The following ARMC2 variants were observed in gnomAD, a reference collection of about 807,000 sequenced individuals.
The protein encoded by ARMC2 is armadillo repeat-containing protein 2.
A neutral mutation model predicts 90.3 loss-of-function variants in ARMC2; 67 were observed. The observed-to-expected ratio is 0.74, with a 90% CI of 0.61 to 0.91. The LOEUF is 0.91. ARMC2 is among the 40% of genes least tolerant of loss of function. The pLI, the probability that ARMC2 is intolerant of heterozygous loss-of-function variation, is 0.00. For missense variants in ARMC2, 920 were observed against 1,030.9 expected (o/e 0.89, Z 1.47); for synonymous variants, 393 against 393.0 (o/e 1.00, Z 0.00).
chr6:108,996,906 A>G, the ARMC2 span, among the ~76,000 whole-genome samples: 1 of 152,212 alleles, frequency 6.6e-6, no homozygotes, highest in Non-Finnish European at 1.5e-5. Flanking sequence ...AAGAAATTTA[A>G]ATGTATATTA....
intron 8 of ARMC2, among the ~76,000 whole-genome samples, chr6:108,910,140 T>C (rs1292136319): frequency 1.3e-5 from 2 of 152,146 alleles, no homozygotes; most frequent in Non-Finnish European, 2.9e-5. Context: ...CCTCATATAC[T>C]CCTTTAAAAG....
intron 12 of ARMC2, among the ~76,000 whole-genome samples, chr6:108,947,295 G>A (rs1776870650): frequency 6.6e-6 from 1 of 152,146 alleles, no homozygotes; most frequent in Admixed American, 6.5e-5. Context: ...GAGTTGGGCT[G>A]AAGGTGGTTT....
the ARMC2 span, among the ~76,000 whole-genome samples, chr6:108,995,233 C>T: frequency 4.6e-5 from 7 of 152,130 alleles, no homozygotes; most frequent in East Asian, 1.9e-4. Context: ...AGCAGAACTG[C>T]GTAAGATAAC....
At chr6:108,980,829 G>A in the ARMC2 span, among the ~76,000 whole-genome samples, 19 of 152,268 alleles carry the variant, frequency 1.2e-4, no homozygotes, top group Middle Eastern at 3.4e-3. Flanking sequence ...GGTGGAGGTT[G>A]CAGTAAGCCG....
At chr6:108,974,570 T>G (rs1282733450), downstream of ARMC2, 2 of 152,164 alleles carry the variant, frequency 1.3e-5, no homozygotes, top group African/African-American at 4.8e-5. Flanking sequence ...ATTCAGTACT[T>G]TAGAAGGCGG....
intron 3 of ARMC2, among the ~76,000 whole-genome samples, chr6:108,862,486 G>A (rs1775374640): frequency 1.3e-5 from 2 of 152,086 alleles, no homozygotes; most frequent in Non-Finnish European, 2.9e-5. Flanking sequence ...AGGGTCTTAA[G>A]TACATTTCAT....
At chr6:109,021,371 T>C in the ARMC2 span, among the ~76,000 whole-genome samples, 1 of 152,168 alleles carries the variant, frequency 6.6e-6, no homozygotes, top group Non-Finnish European at 1.5e-5. Flanking sequence ...CCCCCAATAT[T>C]TCATTGTTTT....
At chr6:108,870,553 AAG>A (rs1209813166) in intron 4 of ARMC2, among the ~76,000 whole-genome samples, 4 of 150,890 alleles carry the variant, frequency 2.7e-5, no homozygotes, top group African/African-American at 9.8e-5. Context: ...GGAAGGAAGG[AAG>A]AGAGGGAAGG....
the ARMC2 span, among the ~76,000 whole-genome samples, chr6:108,996,585 G>A: frequency 6.6e-6 from 1 of 151,886 alleles, no homozygotes; most frequent in African/African-American, 2.4e-5. Context: ...AAGAGGGAAA[G>A]GAAACAAAGT....
chr6:108,943,552 G>A (rs1488795607), intron 12 of ARMC2, among the ~76,000 whole-genome samples: 5 of 152,130 alleles, frequency 3.3e-5, no homozygotes, highest in African/African-American at 1.2e-4. Context: ...CTGGGCACAG[G>A]TGGCTCAGAT....
chr6:108,851,773 GTTA>G (rs751362195), intron 1 of ARMC2, among the ~76,000 whole-genome samples: 2 of 152,082 alleles, frequency 1.3e-5, no homozygotes, highest in Non-Finnish European at 2.9e-5. Flanking sequence ...CTCATCTCTA[GTTA>G]TTATTATTAT....
chr6:108,964,730 C>T (rs1422028011), intron 16 of ARMC2, among the ~76,000 whole-genome samples: 2 of 151,320 alleles, frequency 1.3e-5, no homozygotes, highest in Non-Finnish European at 2.9e-5. Flanking sequence ...GTGGAGGTTG[C>T]GGTGAGCCGA....
At chr6:108,884,647 A>T (rs963304483) in intron 5 of ARMC2, among the ~76,000 whole-genome samples, 1 of 152,198 alleles carries the variant, frequency 6.6e-6, no homozygotes, top group Non-Finnish European at 1.5e-5. Flanking sequence ...TGAGGCTGCA[A>T]GCCATAGCGC....
rs555609898 is a variant in ARMC2, at chr6:108,882,912, T to C, written c.671+6562T>C. 4.6e-5 allele frequency among the ~76,000 whole-genome samples: 7 copies of C among 152,344 alleles called. No individual in the cohort carries two copies. The South Asian group carries it at 1.4e-3, about 32-fold the overall frequency. ...TAAGACATAACAGAAGAAAACTTTC[T>C]GAAACAAATACTTAAATCTGAAGCT... is the stretch of plus-strand genomic sequence containing the variant. On this transcript the variant is annotated intron_variant, in intron 5 of 17. Coordinates refer to ENST00000392644, the MANE Select transcript of ARMC2 (RefSeq NM_032131.6).
At chr6:108,872,324 C>T (rs1163221883) in intron 4 of ARMC2, among the ~76,000 whole-genome samples, 1 of 152,170 alleles carries the variant, frequency 6.6e-6, no homozygotes, top group Non-Finnish European at 1.5e-5. Flanking sequence ...GCTGTGAATG[C>T]TTCCCCAGTT....
At position 108,880,011 on chromosome 6, in the gene ARMC2, C is replaced by A. The variant is rs925770315; in HGVS notation, c.671+3661C>A. 14 of 443,644 alleles carry A rather than the reference C, an allele frequency of 3.2e-5. No homozygotes were observed. In the Admixed American group the frequency reaches 3.2e-4, roughly 10 times the overall value. The allele number at this position is 443,644 out of a possible 1,614,324, so 27.5% of individuals were successfully genotyped here. A position where few individuals can be genotyped will look rare whatever the true frequency, so the allele number is the denominator to read the frequency against. On this transcript the variant is annotated intron_variant, in intron 5 of 17. Coordinates refer to ENST00000392644, the MANE Select transcript of ARMC2 (RefSeq NM_032131.6). The stretch of plus-strand genomic sequence containing the variant: ...CGAGTGCTCTTAGTATTGTTGGAAT[C>A]AAAAATAAGAAAAGAGGGCTTCTGG...
chr6:108,951,757 G>C (rs184677841), intron 12 of ARMC2, among the ~76,000 whole-genome samples: 5 of 152,224 alleles, frequency 3.3e-5, no homozygotes, highest in South Asian at 2.1e-4. Flanking sequence ...CGATGAAAAC[G>C]TGCCCAGCCC....
At chr6:109,017,636 G>A in the ARMC2 span, among the ~76,000 whole-genome samples, 2 of 152,064 alleles carry the variant, frequency 1.3e-5, no homozygotes, top group African/African-American at 2.4e-5. Flanking sequence ...CTCTTAATTC[G>A]AGATTGGGAT....
At chr6:109,044,391 C>G in the ARMC2 span, among the ~76,000 whole-genome samples, 1 of 137,864 alleles carries the variant, frequency 7.3e-6, no homozygotes, top group Non-Finnish European at 1.5e-5. Flanking sequence ...AAAGGATAGT[C>G]TTTCCACCAA....
Sources: gnomAD v4.1 joint callset for allele counts (sites outside exome capture counted in the v4.1 genomes callset) on GRCh38, gnomAD v4.1.1 for gene constraint, MANE v1.5 for transcripts, NCBI Gene and HGNC (gene_info 2026-07-23, HGNC 2026-07-21) for gene names.